Variants in MLXIP observed in about 807,000 individuals in gnomAD.
MLXIP encodes the protein MLX interacting protein, also known as MLX-interacting protein.
MLXIP carries 30 observed loss-of-function variants against 87.2 expected under a neutral mutation model. The ratio of observed to expected loss-of-function variants is 0.34; its 90% CI spans 0.26 to 0.47. The LOEUF is 0.47. MLXIP is among the 20% of genes least tolerant of loss of function. The probability of loss-of-function intolerance (pLI) is 1.00; values close to 1 mark genes in which losing one functional copy is unlikely to be tolerated. For synonymous variants in MLXIP, 530 were observed against 514.0 expected, an observed-to-expected ratio of 1.03 and a Z score of -0.42; for missense variants, 1,002 against 1,240.1, an observed-to-expected ratio of 0.81 and a Z score of 2.88.
At chr12:122,111,092 A>AG (rs1404657199) in intron 1 of MLXIP, among the ~76,000 whole-genome samples, 28 of 151,708 alleles carry the variant, frequency 1.8e-4, no homozygotes, top group African/African-American at 6.8e-4. Flanking sequence ...AAAAAAAAAA[A>AG]AAGTCTATTT....
chr12:122,140,929 CCTTTT>C lies in MLXIP; in HGVS notation c.2509-20_2509-16del. ...AGTCCCCAGCCCCTCTCCGTGCTTG[CCTTTT>C]CTTTAACCACACACTGCAGTTCAGC... is the stretch of plus-strand genomic sequence containing the variant. On this transcript the variant is annotated intron_variant, in intron 15 of 16. Coordinates refer to ENST00000319080, the MANE Select transcript of MLXIP (RefSeq NM_014938.6). 6.2e-7 allele frequency: 1 copy of C among 1,613,988 alleles called. No individual in the cohort carries two copies. The highest frequency in any genetic ancestry group is 2.2e-5 in the East Asian group (1 of 44,882).
At chr12:122,119,553 G>A (rs959874655) in intron 1 of MLXIP, among the ~76,000 whole-genome samples, 5 of 151,956 alleles carry the variant, frequency 3.3e-5, no homozygotes, top group African/African-American at 4.8e-5. Flanking sequence ...CACCACACCC[G>A]GCTAATTTTT....
rs1953276253 is a variant in MLXIP at position 122,145,055 on chromosome 12, A to C, written c.*3243A>C. The C allele has an allele frequency of 6.6e-6, 1 of 152,260 alleles. No individual in the cohort carries two copies. Among genetic ancestry groups the C allele is most frequent in the African/African-American group, 2.4e-5 (1 of 41,452 alleles). The allele number at this position is 152,260 out of a possible 1,614,324, so 9.4% of individuals were successfully genotyped here. A position where few individuals can be genotyped will look rare whatever the true frequency, so the allele number is the denominator to read the frequency against. On this transcript the variant is annotated 3_prime_UTR_variant, in exon 17 of 17. Coordinates refer to ENST00000319080, the MANE Select transcript of MLXIP (RefSeq NM_014938.6). The stretch of plus-strand genomic sequence containing the variant: ...GAGACCCCAGAGCGGGGCAGGCGCC[A>C]CTGAGGGCTTTTCTTGGAGTCGGCC...
At position 122,138,500 on chromosome 12, in the gene MLXIP, A is replaced by C; in HGVS notation, c.2333A>C (p.Glu778Ala). ...KLQQERGQMQEEARRLREEIE... is the reference protein window; with the variant it reads ...KLQQERGQMQAEARRLREEIE... ...CAGCAGGAGAGAGGCCAGATGCAGGAGGAGGCCCGGCGGCTGCGGGAGGAG... is the reference window on the plus strand; with the variant it reads ...CAGCAGGAGAGAGGCCAGATGCAGGCGGAGGCCCGGCGGCTGCGGGAGGAG... Residue 778 changes from glutamate (E) to alanine (A), a missense_variant, in exon 14 of 17, where the codon GAG (glutamate) becomes GCG (alanine). Physicochemically the swap from Glu to Ala is moderately radical, Grantham distance 107. Coordinates refer to ENST00000319080, the MANE Select transcript of MLXIP (RefSeq NM_014938.6). 6.2e-7 allele frequency: 1 copy of C among 1,613,946 alleles called. No homozygotes were observed. Among genetic ancestry groups the C allele is most frequent in the Non-Finnish European group, 8.5e-7 (1 of 1,179,870 alleles).
intron 15 of MLXIP, 47 bp downstream of exon 15, chr12:122,138,985 A>C (rs1201086703): frequency 8.7e-6 from 14 of 1,608,796 alleles, no homozygotes; most frequent in Non-Finnish European, 1.2e-5. Flanking sequence ...CAGCCAATGC[A>C]CTGAAGCCAC....
Position 122,146,032 on chromosome 12 carries a change from C to G in MLXIP, c.*4220C>G, listed in dbSNP as rs1040703355. 2.0e-5 allele frequency: 3 copies of G among 152,340 alleles called. No homozygotes were observed. Among genetic ancestry groups the G allele is most frequent in the African/African-American group, 7.2e-5 (3 of 41,434 alleles). 9.4% of individuals were successfully genotyped at this position (152,340 alleles called of 1,614,324 possible). A position where few individuals can be genotyped will look rare whatever the true frequency, so the allele number is the denominator to read the frequency against. On this transcript the variant is annotated 3_prime_UTR_variant, in exon 17 of 17. Transcript: ENST00000319080. The stretch of plus-strand genomic sequence containing the variant: ...AGTGGCCTTTCCCTCAACACCTGCT[C>G]CCCGGCCCCAGAGGAACCCACCTGT...
chr12:122,123,078 C>G (rs1952810533), intron 1 of MLXIP, among the ~76,000 whole-genome samples: 1 of 152,132 alleles, frequency 6.6e-6, no homozygotes, highest in South Asian at 2.1e-4. Context: ...GTCCCTGCTC[C>G]TCTCCTTGAA....
intron 1 of MLXIP, among the ~76,000 whole-genome samples, chr12:122,081,136 G>C (rs927861210): frequency 6.6e-6 from 1 of 151,930 alleles, no homozygotes; most frequent in African/African-American, 2.4e-5. Flanking sequence ...CCGTTGCTCA[G>C]TTAACTTTCT....
At chr12:122,084,122 C>T (rs1172994566) in intron 1 of MLXIP, among the ~76,000 whole-genome samples, 3 of 150,206 alleles carry the variant, frequency 2.0e-5, no homozygotes, top group East Asian at 2.0e-4. Context: ...GTGACACTAC[C>T]GGGAAGGATA....
chr12:122,135,804 T>C lies in MLXIP; in HGVS notation c.2032+138T>C, dbSNP rs1270865764. The C allele has an allele frequency of 5.7e-6, 6 of 1,050,950 alleles. No homozygotes were observed. The highest frequency in any genetic ancestry group is 5.7e-5 in the East Asian group (2 of 34,892). The allele number at this position is 1,050,950 out of a possible 1,614,324, so 65.1% of individuals were successfully genotyped here. A position where few individuals can be genotyped will look rare whatever the true frequency, so the allele number is the denominator to read the frequency against. ...ACACAGTGAGGTCTTGTAGGCCTGC[T>C]GATAACACAGTCTGGGAACACGCTC... is the stretch of plus-strand genomic sequence containing the variant. On this transcript the variant is annotated intron_variant, in intron 11 of 16. Transcript: ENST00000319080. This position sits in a 1 kb window ranked among gnomAD's most constrained non-coding sequence, Gnocchi z 5.3.
intron 7 of MLXIP, 73 bp from the exon 8 acceptor site, chr12:122,132,219 G>A (rs7955575): frequency 0.52 from 616,890 of 1,197,586 alleles, 161,278 homozygotes; most frequent in Admixed American, 0.59. Flanking sequence ...ACCGTGCCTG[G>A]CCCTGTTTGA....
intron 1 of MLXIP, among the ~76,000 whole-genome samples, chr12:122,088,432 T>C (rs1425475790): frequency 1.3e-5 from 2 of 152,108 alleles, no homozygotes; most frequent in African/African-American, 4.8e-5. Context: ...TTTTGGTAGC[T>C]CCAGAAGGGG....
chr12:122,116,541 G>C (rs1187847843), intron 1 of MLXIP, among the ~76,000 whole-genome samples: 1 of 152,208 alleles, frequency 6.6e-6, no homozygotes, highest in Non-Finnish European at 1.5e-5. Flanking sequence ...GTCCGGAGGA[G>C]CACCTTGGGG....
chr12:122,092,139 C>G (rs1425722028), intron 1 of MLXIP, among the ~76,000 whole-genome samples: 3 of 151,654 alleles, frequency 2.0e-5, no homozygotes, highest in Admixed American at 6.6e-5. Flanking sequence ...TCCCTGTCAC[C>G]CAGACTGGAG....
intron 15 of MLXIP, 62 bp downstream of exon 15, chr12:122,139,000 C>G (rs908157430): frequency 1.3e-6 from 2 of 1,599,106 alleles, no homozygotes; most frequent in Non-Finnish European, 1.7e-6. Flanking sequence ...AGCCACAGAC[C>G]GTGGCACTGT....
At chr12:122,097,259 G>A (rs1229202300) in intron 1 of MLXIP, among the ~76,000 whole-genome samples, 2 of 152,076 alleles carry the variant, frequency 1.3e-5, no homozygotes, top group Admixed American at 6.5e-5. Context: ...TTGAACCCCT[G>A]TGCTTAAGCA....
At chr12:122,099,082 A>T (rs1015244331) in intron 1 of MLXIP, among the ~76,000 whole-genome samples, 7 of 152,188 alleles carry the variant, frequency 4.6e-5, no homozygotes, top group East Asian at 1.9e-4. Context: ...AAAATTATTT[A>T]AAAAATTAGC....
chr12:122,135,481 C>T lies in MLXIP; in HGVS notation c.1855-8C>T. On this transcript the variant is annotated splice_region_variant and splice_polypyrimidine_tract_variant and intron_variant, in intron 10 of 16. Coordinates refer to ENST00000319080, the MANE Select transcript of MLXIP (RefSeq NM_014938.6). The surrounding 1 kb of genome is among the most constrained non-coding windows in gnomAD (Gnocchi z 5.3). ...GTCAGGGGTGACCTGTCTCCCATGT[C>T]ACTGCAGGCTCCTGGGGTCCCGGAG... 6.2e-7 allele frequency: 1 copy of T among 1,609,766 alleles called. No homozygotes were observed. Among genetic ancestry groups the T allele is most frequent in the Non-Finnish European group, 8.5e-7 (1 of 1,178,396 alleles).
chr12:122,109,433 G>A (rs1952569506), intron 1 of MLXIP, among the ~76,000 whole-genome samples: 1 of 152,146 alleles, frequency 6.6e-6, no homozygotes. Context: ...CGAACTCCTG[G>A]CCTTAAGCGA....
Sources: gnomAD v4.1 joint callset for allele counts (sites outside exome capture counted in the v4.1 genomes callset) on GRCh38, gnomAD v4.1.1 for gene constraint, Gnocchi (gnomAD v3.1) non-coding constraint, MANE v1.5 for transcripts, NCBI Gene and HGNC (gene_info 2026-07-23, HGNC 2026-07-21) for gene names.